Variants in MAML3 observed in about 807,000 individuals in gnomAD.
The protein encoded by MAML3 is mastermind like transcriptional coactivator 3.
MAML3 carries 27 observed loss-of-function variants against 101.9 expected under a neutral mutation model. That is an observed-to-expected ratio of 0.27 (90% CI 0.20 to 0.37). The LOEUF (loss-of-function observed/expected upper bound fraction) is 0.37. MAML3 is among the 10% of genes least tolerant of loss of function. MAML3 has a pLI of 1.00. For synonymous variants in MAML3, 501 were observed against 555.9 expected, an observed-to-expected ratio of 0.90 and a Z score of 1.39; for missense variants, 1,316 against 1,444.9, an observed-to-expected ratio of 0.91 and a Z score of 1.45.
At chr4:139,885,799 G>A (rs1232400071) in intron 2 of MAML3, among the ~76,000 whole-genome samples, 1 of 149,750 alleles carries the variant, frequency 6.7e-6, no homozygotes, top group African/African-American at 2.4e-5. Context: ...CAGGCGTGCC[G>A]GCAGGCGCCT....
intron 1 of MAML3, among the ~76,000 whole-genome samples, chr4:140,121,195 A>T (rs1280276142): frequency 6.6e-6 from 1 of 152,274 alleles, no homozygotes; most frequent in African/African-American, 2.4e-5. Flanking sequence ...TGGTATCCGA[A>T]GCAGAGACAT....
rs1310371352 is a variant in MAML3 at position 139,927,569 on chromosome 4, A to G, written c.469-36602T>C. On this transcript the variant is annotated intron_variant, in intron 1 of 4. Coordinates refer to ENST00000509479, the MANE Select transcript of MAML3 (RefSeq NM_018717.5). ...TGGTTCTGTTTTCCACTTTCCTTTT[A>G]TATGTATTCTTTGGAATTCTACTTA... is the stretch of plus-strand genomic sequence containing the variant. 2.6e-5 allele frequency among the ~76,000 whole-genome samples: 4 copies of G among 152,078 alleles called. No homozygotes were observed. In the South Asian group the frequency reaches 8.3e-4, roughly 32 times the overall value.
chr4:139,916,036 G>A (rs1358260108), intron 1 of MAML3, among the ~76,000 whole-genome samples: 1 of 152,124 alleles, frequency 6.6e-6, no homozygotes, highest in Non-Finnish European at 1.5e-5. Context: ...CATCAACCAC[G>A]CAAGGTAGGT....
chr4:140,060,629 C>T (rs142081922), intron 1 of MAML3, among the ~76,000 whole-genome samples: 21 of 152,108 alleles, frequency 1.4e-4, no homozygotes, highest in African/African-American at 3.9e-4. Flanking sequence ...GCTTATTTTA[C>T]GGATTTCTCC....
At chr4:140,095,188 A>C (rs957892860) in intron 1 of MAML3, among the ~76,000 whole-genome samples, 1 of 152,098 alleles carries the variant, frequency 6.6e-6, no homozygotes, top group Non-Finnish European at 1.5e-5. Flanking sequence ...TTTCAGATTC[A>C]ATTTGCCTGA....
chr4:139,773,622 C>T (rs1730038551), intron 2 of MAML3, among the ~76,000 whole-genome samples: 2 of 152,150 alleles, frequency 1.3e-5, no homozygotes, highest in South Asian at 2.1e-4. Context: ...TAAATGGGTA[C>T]AGAAGATGAG....
chr4:140,089,132 TATC>T (rs1728004124), intron 1 of MAML3, among the ~76,000 whole-genome samples: 1 of 152,242 alleles, frequency 6.6e-6, no homozygotes, highest in South Asian at 2.1e-4. Context: ...TCTATTATCA[TATC>T]ATACCTATGA....
At chr4:139,926,284 G>A (rs1348150511) in intron 1 of MAML3, among the ~76,000 whole-genome samples, 3 of 152,190 alleles carry the variant, frequency 2.0e-5, no homozygotes, top group Non-Finnish European at 4.4e-5. Context: ...AGGTAGTTTA[G>A]ATCCTTTTTG....
At chr4:139,867,028 A>C (rs1222172259) in intron 2 of MAML3, among the ~76,000 whole-genome samples, 3 of 152,212 alleles carry the variant, frequency 2.0e-5, no homozygotes, top group Admixed American at 2.0e-4. Context: ...GTTTTGTTAA[A>C]AGAGGCTTGC....
intron 1 of MAML3, among the ~76,000 whole-genome samples, chr4:139,897,830 T>C (rs1405690288): frequency 2.0e-5 from 3 of 152,130 alleles, no homozygotes; most frequent in Admixed American, 6.6e-5. Context: ...AGCTAAACTC[T>C]CCAGGCTTAG....
chr4:139,915,779 G>A (rs910451570), intron 1 of MAML3, among the ~76,000 whole-genome samples: 3 of 152,036 alleles, frequency 2.0e-5, no homozygotes, highest in Non-Finnish European at 4.4e-5. Context: ...TGACCTCCTC[G>A]TTATCTTAAG....
At chr4:140,083,072 G>A (rs776086067) in intron 1 of MAML3, among the ~76,000 whole-genome samples, 3 of 152,142 alleles carry the variant, frequency 2.0e-5, no homozygotes, top group Non-Finnish European at 4.4e-5. Context: ...ATAGTTTCAT[G>A]TTTACAACAA....
chr4:139,878,128 C>G (rs2111184124), intron 2 of MAML3, among the ~76,000 whole-genome samples: 1 of 152,292 alleles, frequency 6.6e-6, no homozygotes, highest in East Asian at 1.9e-4. Flanking sequence ...GGAACCCTTC[C>G]CTCCAGCCTG....
At chr4:139,909,407 A>C (rs1470094376) in intron 1 of MAML3, among the ~76,000 whole-genome samples, 1 of 152,238 alleles carries the variant, frequency 6.6e-6, no homozygotes, top group African/African-American at 2.4e-5. Flanking sequence ...CATCGCTGAA[A>C]GAAATACATA....
intron 1 of MAML3, among the ~76,000 whole-genome samples, chr4:140,035,395 G>GT (rs796099199): frequency 1.3e-5 from 2 of 152,232 alleles, no homozygotes; most frequent in African/African-American, 4.8e-5. Flanking sequence ...TTTCCTCCTT[G>GT]TTTTATCCAA....
chr4:140,148,815 A>C (rs978503763), intron 1 of MAML3, among the ~76,000 whole-genome samples: 3 of 152,236 alleles, frequency 2.0e-5, no homozygotes, highest in African/African-American at 7.2e-5. Context: ...TTTATTATTA[A>C]ATGCATGTTA....
chr4:140,033,454 T>C (rs1271747107), intron 1 of MAML3, among the ~76,000 whole-genome samples: 4 of 151,990 alleles, frequency 2.6e-5, no homozygotes, highest in African/African-American at 7.3e-5. Flanking sequence ...TTACTGGGTT[T>C]GAGTGGTAGA....
intron 2 of MAML3, among the ~76,000 whole-genome samples, chr4:139,793,280 T>C (rs189532652): frequency 9.1e-4 from 138 of 152,316 alleles, no homozygotes; most frequent in African/African-American, 3.2e-3. Context: ...ACACTCAGTG[T>C]GACTGTGCGA....
chr4:139,796,291 C>T (rs1339872435), intron 2 of MAML3, among the ~76,000 whole-genome samples: 1 of 152,164 alleles, frequency 6.6e-6, no homozygotes, highest in African/African-American at 2.4e-5. Flanking sequence ...AGATATTTTA[C>T]ACTTCACATG....
Sources: allele counts gnomAD v4.1 joint callset (sites outside exome capture counted in the v4.1 genomes callset), GRCh38; gene constraint gnomAD v4.1.1; transcripts MANE v1.5; gene names NCBI Gene and HGNC (gene_info 2026-07-23, HGNC 2026-07-21).